The following ZNF385D variants were observed in gnomAD, a reference collection of about 807,000 sequenced individuals.
ZNF385D encodes the protein zinc finger protein 659.
In ZNF385D, 15 loss-of-function variants were observed where a neutral mutation model predicts 35.8. The ratio of observed to expected loss-of-function variants is 0.42; its 90% CI spans 0.28 to 0.64. ZNF385D has a LOEUF of 0.64. Ranked by LOEUF, ZNF385D falls within the 30% of genes least tolerant of loss-of-function variation. The pLI, the probability that ZNF385D is intolerant of heterozygous loss-of-function variation, is 0.23. For synonymous variants in ZNF385D, 212 were observed against 186.8 expected (o/e 1.13, Z -1.10); for missense variants, 474 against 494.6 (o/e 0.96, Z 0.39).
At chr3:21,552,228 A>G (rs1001177862) in intron 3 of ZNF385D, among the ~76,000 whole-genome samples, 3 of 152,222 alleles carry the variant, frequency 2.0e-5, no homozygotes, top group African/African-American at 7.2e-5. Context: ...ATGATCTAAT[A>G]TGTATGTATA....
intron 1 of ZNF385D, among the ~76,000 whole-genome samples, chr3:21,741,461 G>C (rs1429389639): frequency 6.6e-6 from 1 of 152,130 alleles, no homozygotes; most frequent in African/African-American, 2.4e-5. Context: ...ACACGTGATG[G>C]TAACGGTGAC....
chr3:21,961,042 A>T (rs7433115), intron 3 of ZNF385D, among the ~76,000 whole-genome samples: 1 of 151,864 alleles, frequency 6.6e-6, no homozygotes, highest in Non-Finnish European at 1.5e-5. Flanking sequence ...TTTATTGTAC[A>T]TTTTGAAACA....
At chr3:22,309,018 T>A (rs1703390993) in intron 2 of ZNF385D, among the ~76,000 whole-genome samples, 1 of 152,098 alleles carries the variant, frequency 6.6e-6, no homozygotes, top group African/African-American at 2.4e-5. Context: ...AATTTTTCCA[T>A]TCTCTGTACT....
At chr3:22,157,166 T>C (rs1408217628) in intron 3 of ZNF385D, among the ~76,000 whole-genome samples, 2 of 152,154 alleles carry the variant, frequency 1.3e-5, no homozygotes, top group East Asian at 3.9e-4. Context: ...GCCCTACCTC[T>C]TTCCAGTTAC....
At chr3:22,112,765 G>A (rs1004727534) in intron 3 of ZNF385D, among the ~76,000 whole-genome samples, 3 of 152,002 alleles carry the variant, frequency 2.0e-5, no homozygotes, top group African/African-American at 7.2e-5. Context: ...TCTTTGAATG[G>A]AATGTCAAGA....
intron 2 of ZNF385D, among the ~76,000 whole-genome samples, chr3:22,174,739 C>A (rs182202051): frequency 6.6e-6 from 1 of 152,002 alleles, no homozygotes; most frequent in East Asian, 1.9e-4. Flanking sequence ...GGCGATAACA[C>A]TGAAATACAA....
intron 3 of ZNF385D, among the ~76,000 whole-genome samples, chr3:21,798,243 A>C (rs2072240705): frequency 6.6e-6 from 1 of 152,196 alleles, no homozygotes; most frequent in Non-Finnish European, 1.5e-5. Context: ...CTCATGACAC[A>C]GGTTGTCTGG....
chr3:21,734,911 A>G (rs1484454895), intron 1 of ZNF385D, among the ~76,000 whole-genome samples: 1 of 151,238 alleles, frequency 6.6e-6, no homozygotes, highest in Non-Finnish European at 1.5e-5. Context: ...TAAATGATGC[A>G]CACTGCTGAC....
chr3:21,731,038 T>C (rs1162145615), intron 1 of ZNF385D, among the ~76,000 whole-genome samples: 2 of 152,222 alleles, frequency 1.3e-5, no homozygotes, highest in African/African-American at 2.4e-5. Context: ...AGTATATTCC[T>C]ATTAAAAAGC....
At chr3:21,595,157 A>G (rs1575277639) in intron 2 of ZNF385D, among the ~76,000 whole-genome samples, 1 of 152,172 alleles carries the variant, frequency 6.6e-6, no homozygotes, top group African/African-American at 2.4e-5. Context: ...TCAGATATCC[A>G]TCAGACCCCA....
intron 3 of ZNF385D, among the ~76,000 whole-genome samples, chr3:21,546,291 C>G (rs1169143063): frequency 1.3e-5 from 2 of 152,086 alleles, no homozygotes; most frequent in African/African-American, 4.8e-5. Context: ...GATTGATACT[C>G]TAGTTCTGAG....
chr3:21,945,356 G>C (rs9310668), intron 3 of ZNF385D, among the ~76,000 whole-genome samples: 80,531 of 151,690 alleles, frequency 0.53, 22,229 homozygotes, highest in South Asian at 0.65. Flanking sequence ...GAATGTTCAT[G>C]CATGCAAAAT....
At chr3:22,063,616 G>A (rs943651804) in intron 3 of ZNF385D, among the ~76,000 whole-genome samples, 9 of 152,086 alleles carry the variant, frequency 5.9e-5, no homozygotes, top group African/African-American at 2.2e-4. Flanking sequence ...ATTTGTAGAG[G>A]ATGCTGTGCT....
chr3:22,106,338 G>C (rs529289456), intron 3 of ZNF385D, among the ~76,000 whole-genome samples: 34 of 152,268 alleles, frequency 2.2e-4, no homozygotes, highest in Middle Eastern at 3.4e-3. Flanking sequence ...ACATTTGAAA[G>C]ATGATGAAAC....
chr3:22,356,384 T>G (rs1441512249), intron 2 of ZNF385D, among the ~76,000 whole-genome samples: 1 of 151,990 alleles, frequency 6.6e-6, no homozygotes, highest in African/African-American at 2.4e-5. Flanking sequence ...ATCCCTTGAT[T>G]TTTTAAGGAA....
intron 2 of ZNF385D, among the ~76,000 whole-genome samples, chr3:21,584,175 T>C (rs2063747581): frequency 6.8e-6 from 1 of 147,786 alleles, no homozygotes; most frequent in African/African-American, 2.4e-5. Context: ...GGTTTCACCA[T>C]CTCAGTTTGG....
chr3:21,967,729 C>A (rs905631229), intron 3 of ZNF385D, among the ~76,000 whole-genome samples: 1 of 152,186 alleles, frequency 6.6e-6, no homozygotes, highest in Non-Finnish European at 1.5e-5. Flanking sequence ...GAGTTCTGAA[C>A]TGCCAAGGCA....
At chr3:21,925,600 C>T (rs1357247748) in intron 3 of ZNF385D, among the ~76,000 whole-genome samples, 1 of 151,886 alleles carries the variant, frequency 6.6e-6, no homozygotes, top group Non-Finnish European at 1.5e-5. Context: ...AAAGGATAAT[C>T]CATAAAAGGA....
chr3:21,718,567 T>A (rs1386293512), intron 1 of ZNF385D, among the ~76,000 whole-genome samples: 1 of 152,228 alleles, frequency 6.6e-6, no homozygotes, highest in Non-Finnish European at 1.5e-5. Context: ...GGTGCCATTA[T>A]CTCTATAGAT....
Sources: gnomAD v4.1 joint callset for allele counts (sites outside exome capture counted in the v4.1 genomes callset) on GRCh38, gnomAD v4.1.1 for gene constraint, MANE v1.5 for transcripts, NCBI Gene and HGNC (gene_info 2026-07-23, HGNC 2026-07-21) for gene names.